Variants in RBFOX1 observed in about 807,000 individuals in gnomAD.
RBFOX1 encodes the protein RNA binding fox-1 homolog 1.
In RBFOX1, 8 loss-of-function variants were observed where a neutral mutation model predicts 57.7. The observed-to-expected ratio is 0.14, with a 90% CI of 0.08 to 0.25. RBFOX1 has a LOEUF of 0.25. Ranked by LOEUF, RBFOX1 falls within the 10% of genes least tolerant of loss-of-function variation. The probability of loss-of-function intolerance (pLI) is 1.00; values close to 1 mark genes in which losing one functional copy is unlikely to be tolerated. For synonymous variants in RBFOX1, 326 were observed against 222.4 expected, an observed-to-expected ratio of 1.47 and a Z score of -4.15; for missense variants, 611 against 548.5, an observed-to-expected ratio of 1.11 and a Z score of -1.14.
intron 3 of RBFOX1, among the ~76,000 whole-genome samples, chr16:6,711,477 A>C (rs2063705035): frequency 6.6e-6 from 1 of 152,146 alleles, no homozygotes; most frequent in Admixed American, 6.5e-5. Flanking sequence ...ACCTGGTAGG[A>C]GGTGACTGGG....
At chr16:7,310,779 T>C (rs2096288631) in intron 4 of RBFOX1, among the ~76,000 whole-genome samples, 2 of 152,362 alleles carry the variant, frequency 1.3e-5, no homozygotes, top group South Asian at 4.1e-4. Flanking sequence ...TTCATTCACC[T>C]GTCCATCCAC....
At chr16:5,892,860 C>T (rs1374557543) in intron 4 of RBFOX1, among the ~76,000 whole-genome samples, 2 of 152,144 alleles carry the variant, frequency 1.3e-5, no homozygotes, top group East Asian at 3.9e-4. Context: ...AGATTCAGCA[C>T]CCCAGGTGCC....
chr16:5,377,407 T>G lies in RBFOX1; in HGVS notation c.220-89809T>G, dbSNP rs112792767. 3.3e-3 allele frequency among the ~76,000 whole-genome samples: 501 copies of G among 150,912 alleles called. 23 individuals are homozygous for G. Among genetic ancestry groups the G allele is most frequent in the Middle Eastern group, 0.014 (4 of 292 alleles). On this transcript the variant is annotated intron_variant, in intron 1 of 2. Transcript: ENST00000585867. ...GATGAGAAGGAGTTGACCAGGCAAA[T>G]CACAAAGGGAAAAGTGTTTGAGCAG...
At chr16:6,866,513 A>G (rs1213036109) in intron 3 of RBFOX1, among the ~76,000 whole-genome samples, 1 of 148,884 alleles carries the variant, frequency 6.7e-6, no homozygotes, top group Non-Finnish European at 1.5e-5. Context: ...TTAAAAAAAA[A>G]AATAAGGTTA....
chr16:6,189,050 A>C (rs1303690605), intron 1 of RBFOX1, among the ~76,000 whole-genome samples: 1 of 152,236 alleles, frequency 6.6e-6, no homozygotes, highest in Admixed American at 6.5e-5. Context: ...ACAGATGCTA[A>C]GTCTTCCATG....
intron 1 of RBFOX1, among the ~76,000 whole-genome samples, chr16:6,175,275 A>G (rs989227532): frequency 1.3e-5 from 2 of 152,208 alleles, no homozygotes; most frequent in East Asian, 3.9e-4. Context: ...ATTTTCCGTA[A>G]TACGTCCCTA....
chr16:5,682,601 C>A (rs1042318549), intron 3 of RBFOX1, among the ~76,000 whole-genome samples: 5 of 152,082 alleles, frequency 3.3e-5, no homozygotes, highest in Non-Finnish European at 7.4e-5. Flanking sequence ...AGGAATTATC[C>A]CCATTGTACA....
chr16:6,751,707 A>C (rs1243265446), intron 3 of RBFOX1, among the ~76,000 whole-genome samples: 1 of 152,158 alleles, frequency 6.6e-6, no homozygotes, highest in Non-Finnish European at 1.5e-5. Context: ...ACAGTATACA[A>C]GCAGATAGAG....
At chr16:6,206,310 A>G (rs563294037) in intron 1 of RBFOX1, among the ~76,000 whole-genome samples, 1 of 152,058 alleles carries the variant, frequency 6.6e-6, no homozygotes, top group Non-Finnish European at 1.5e-5. Flanking sequence ...TTACTTTGCC[A>G]AGCTAGTTAC....
intron 3 of RBFOX1, among the ~76,000 whole-genome samples, chr16:6,937,986 T>TG (rs1443529689): frequency 1.9e-5 from 1 of 52,712 alleles, no homozygotes; most frequent in African/African-American, 8.0e-5. Flanking sequence ...TGGGTGGGGG[T>TG]GGGGGGTGGG....
chr16:6,976,367 T>A (rs1652551614), intron 3 of RBFOX1, among the ~76,000 whole-genome samples: 2 of 152,156 alleles, frequency 1.3e-5, no homozygotes, highest in African/African-American at 4.8e-5. Flanking sequence ...GTCCTATCCA[T>A]GAATACATGA....
intron 3 of RBFOX1, among the ~76,000 whole-genome samples, chr16:6,767,705 G>C (rs955885482): frequency 6.6e-6 from 1 of 151,840 alleles, no homozygotes; most frequent in Non-Finnish European, 1.5e-5. Context: ...CACGAGATCA[G>C]GAGTTCGAGA....
At chr16:6,593,424 C>T (rs767434553) in intron 2 of RBFOX1, among the ~76,000 whole-genome samples, 2 of 152,084 alleles carry the variant, frequency 1.3e-5, no homozygotes, top group Non-Finnish European at 2.9e-5. Context: ...TCCTGATGCC[C>T]CAAGAGGAAA....
chr16:6,518,986 G>C (rs889661759), intron 2 of RBFOX1, among the ~76,000 whole-genome samples: 2 of 151,780 alleles, frequency 1.3e-5, no homozygotes, highest in Non-Finnish European at 2.9e-5. Flanking sequence ...GAAAATAAAG[G>C]GGGAAATATT....
chr16:5,786,373 G>C (rs535565535), intron 3 of RBFOX1, among the ~76,000 whole-genome samples: 25 of 152,208 alleles, frequency 1.6e-4, no homozygotes, highest in African/African-American at 6.0e-4. Context: ...TTCCTCTGCT[G>C]CTCATGTAGC....
chr16:6,610,086 A>C (rs2098021316), intron 2 of RBFOX1, among the ~76,000 whole-genome samples: 1 of 152,164 alleles, frequency 6.6e-6, no homozygotes, highest in African/African-American at 2.4e-5. Flanking sequence ...ATGGCCAGAC[A>C]GAAATAAAAT....
intron 3 of RBFOX1, among the ~76,000 whole-genome samples, chr16:5,776,624 C>G (rs535863288): frequency 7.2e-5 from 11 of 152,310 alleles, no homozygotes; most frequent in East Asian, 1.9e-4. Flanking sequence ...CCACAGTGAG[C>G]CTTCATCATA....
At chr16:6,948,666 G>A (rs1265193979) in intron 3 of RBFOX1, among the ~76,000 whole-genome samples, 1 of 152,004 alleles carries the variant, frequency 6.6e-6, no homozygotes, top group African/African-American at 2.4e-5. Flanking sequence ...ACAAGCGTGA[G>A]CCACCACGCC....
chr16:6,527,429 TG>T (rs1280531006), intron 2 of RBFOX1, among the ~76,000 whole-genome samples: 2 of 152,132 alleles, frequency 1.3e-5, no homozygotes, highest in African/African-American at 4.8e-5. Context: ...AATGTATTTT[TG>T]GGGCTTGGGG....
Sources: gnomAD v4.1 joint callset for allele counts (sites outside exome capture counted in the v4.1 genomes callset) on GRCh38, gnomAD v4.1.1 for gene constraint, MANE v1.5 for transcripts, NCBI Gene and HGNC (gene_info 2026-07-23, HGNC 2026-07-21) for gene names.